The following GRAP2 variants were observed in gnomAD, a reference collection of about 807,000 sequenced individuals.
The protein encoded by GRAP2 is GRB2 related adaptor protein 2.
Under a neutral mutation model 43.5 loss-of-function variants are expected in GRAP2, and 31 were observed. The ratio of observed to expected loss-of-function variants is 0.71; its 90% CI spans 0.54 to 0.96. GRAP2 has a LOEUF of 0.96. Among genes scored for constraint, GRAP2 ranks in the 40% least tolerant of loss-of-function variants. The pLI, the probability that GRAP2 is intolerant of heterozygous loss-of-function variation, is 0.00. For missense variants in GRAP2, 371 were observed against 424.4 expected, an observed-to-expected ratio of 0.87 and a Z score of 1.11; for synonymous variants, 156 against 164.8, an observed-to-expected ratio of 0.95 and a Z score of 0.41.
In GRAP2 at chr22:39,956,636, C is replaced by CTTTTTTTTTTTTTTTTTTT. The variant is rs1601732092; in HGVS notation, c.170+730_170+731insTTTTTTTTTTTTTTTTTTT. Among the ~76,000 whole-genome samples, 4 of 150,932 alleles carry CTTTTTTTTTTTTTTTTTTT rather than the reference C, an allele frequency of 2.7e-5. No homozygotes were observed. The East Asian group carries it at 6.2e-4, about 23-fold the overall frequency. On this transcript the variant is annotated intron_variant, in intron 3 of 7. Coordinates refer to ENST00000344138, the MANE Select transcript of GRAP2 (RefSeq NM_004810.4). ...GGTGCATGCCACCACACCCAGCTAA[C>CTTTTTTTTTTTTTTTTTTT]TTTTGTATTTTTAGTAGAGATGGGG...
chr22:39,951,225 A>G (rs1479252399), intron 2 of GRAP2, among the ~76,000 whole-genome samples: 2 of 152,212 alleles, frequency 1.3e-5, no homozygotes, highest in Non-Finnish European at 2.9e-5. Context: ...AAACTCAGGA[A>G]TCAGATTTTT....
At chr22:39,904,996 A>G (rs2066514074) in intron 1 of GRAP2, among the ~76,000 whole-genome samples, 1 of 152,132 alleles carries the variant, frequency 6.6e-6, no homozygotes, top group East Asian at 1.9e-4. Context: ...GGTGCTCCAT[A>G]TTGCATCTTA....
At chr22:39,920,220 C>T (rs376175391) in intron 1 of GRAP2, among the ~76,000 whole-genome samples, 43 of 152,184 alleles carry the variant, frequency 2.8e-4, no homozygotes, top group African/African-American at 9.9e-4. Flanking sequence ...CTTTGGTACA[C>T]GCTAGGGGAC....
At chr22:39,916,404 A>G (rs1362751578) in intron 1 of GRAP2, among the ~76,000 whole-genome samples, 2 of 152,266 alleles carry the variant, frequency 1.3e-5, no homozygotes, top group African/African-American at 4.8e-5. Flanking sequence ...GAGCAACTGT[A>G]GGACCCCTCT....
intron 2 of GRAP2, among the ~76,000 whole-genome samples, chr22:39,952,692 C>G (rs1372942274): frequency 6.6e-6 from 1 of 152,154 alleles, no homozygotes; most frequent in Non-Finnish European, 1.5e-5. Context: ...CACTTTTATT[C>G]CTTCAGAATA....
chr22:39,914,877 A>G (rs573030454), intron 1 of GRAP2, among the ~76,000 whole-genome samples: 1 of 152,210 alleles, frequency 6.6e-6, no homozygotes, highest in East Asian at 1.9e-4. Context: ...CTTTTGCCCC[A>G]CAACCTTATA....
chr22:39,942,461 T>G (rs1489082237), intron 1 of GRAP2, among the ~76,000 whole-genome samples: 1 of 152,114 alleles, frequency 6.6e-6, no homozygotes, highest in African/African-American at 2.4e-5. Context: ...ATTCTCTTAC[T>G]TCATTTCGTA....
At position 39,971,173 on chromosome 22, in the gene GRAP2, A is replaced by C; in HGVS notation, c.*89A>C. 1 of 962,128 alleles carries C rather than the reference A, an allele frequency of 1.0e-6. No homozygotes were observed. The highest frequency in any genetic ancestry group is 1.6e-6 in the Non-Finnish European group (1 of 622,870). 59.6% of individuals were successfully genotyped at this position (962,128 alleles called of 1,614,324 possible). On this transcript the variant is annotated 3_prime_UTR_variant, in exon 8 of 8. Coordinates refer to ENST00000344138, the MANE Select transcript of GRAP2 (RefSeq NM_004810.4). ...GGCTGGACTCCATGACTATATATAC[A>C]TACATCTATCTACATCTGCCTGTGT...
At chr22:39,946,439 T>G (rs910497244) in intron 1 of GRAP2, among the ~76,000 whole-genome samples, 1 of 152,214 alleles carries the variant, frequency 6.6e-6, no homozygotes, top group African/African-American at 2.4e-5. Flanking sequence ...CTATTTTAAC[T>G]CAATTCAAAA....
rs539412363 is a variant in GRAP2, at chr22:39,924,302, C to T, written c.-14-22791C>T. Among the ~76,000 whole-genome samples, 47 of 152,314 alleles carry T rather than the reference C, an allele frequency of 3.1e-4. 1 individual carries two copies. The highest frequency in any genetic ancestry group is 1.1e-3 in the African/African-American group (44 of 41,572). On this transcript the variant is annotated intron_variant, in intron 1 of 7. Coordinates refer to ENST00000344138, the MANE Select transcript of GRAP2 (RefSeq NM_004810.4). ...ATACCAAGCCTCTCTCTCCAAGATT[C>T]GCTTTTTTTCCTAGAAGAGGGAAAA...
intron 1 of GRAP2, among the ~76,000 whole-genome samples, chr22:39,915,642 C>T (rs200297412): frequency 6.6e-6 from 1 of 152,174 alleles, no homozygotes; most frequent in Non-Finnish European, 1.5e-5. Context: ...GCAGAAGTTA[C>T]TTTCAAAGGA....
rs1201036732 is a variant in GRAP2, at chr22:39,973,689, C to A, written c.*2605C>A. 6.6e-6 allele frequency: 1 copy of A among 152,208 alleles called. No individual in the cohort carries two copies. Among genetic ancestry groups the A allele is most frequent in the African/African-American group, 2.4e-5 (1 of 41,438 alleles). 9.4% of individuals were successfully genotyped at this position (152,208 alleles called of 1,614,324 possible). A position where few individuals can be genotyped will look rare whatever the true frequency, so the allele number is the denominator to read the frequency against. The stretch of plus-strand genomic sequence containing the variant: ...GAGGGGAGGGGGAAAGAGAGCTCAA[C>A]CCCCCTCAGCCTCTGGTGCTGCCAG... On this transcript the variant is annotated 3_prime_UTR_variant, in exon 8 of 8. Transcript: ENST00000344138.
At chr22:39,907,525 G>A (rs560539232) in intron 1 of GRAP2, among the ~76,000 whole-genome samples, 3 of 152,120 alleles carry the variant, frequency 2.0e-5, no homozygotes, top group South Asian at 4.1e-4. Context: ...TTGCTTGAGC[G>A]CAGGAGATTG....
chr22:39,914,907 G>A (rs2066592264), intron 1 of GRAP2, among the ~76,000 whole-genome samples: 1 of 151,938 alleles, frequency 6.6e-6, no homozygotes, highest in South Asian at 2.1e-4. Flanking sequence ...ATTCATTTTA[G>A]GCCAGGCACG....
At chr22:39,951,520 G>A (rs141707343) in intron 2 of GRAP2, among the ~76,000 whole-genome samples, 38 of 152,216 alleles carry the variant, frequency 2.5e-4, no homozygotes, top group East Asian at 9.6e-4. Flanking sequence ...TCTTCCAGCC[G>A]TAATTTGGCC....
intron 2 of GRAP2, among the ~76,000 whole-genome samples, chr22:39,954,159 A>G (rs1421436661): frequency 1.3e-5 from 2 of 152,158 alleles, no homozygotes; most frequent in Admixed American, 1.3e-4. Context: ...TTTTCTATCT[A>G]TTTCTGCTTT....
intron 1 of GRAP2, among the ~76,000 whole-genome samples, chr22:39,905,095 CTTG>C (rs1401874510): frequency 2.0e-5 from 3 of 152,120 alleles, no homozygotes; most frequent in Non-Finnish European, 4.4e-5. Flanking sequence ...CAGAGGATCT[CTTG>C]TTGTACAGGC....
Position 39,952,274 on chromosome 22 carries a change from G to A in GRAP2, c.79-3545G>A, listed in dbSNP as rs546514978. 4.5e-4 allele frequency among the ~76,000 whole-genome samples: 69 copies of A among 152,168 alleles called. 1 individual carries two copies. The highest frequency in any genetic ancestry group is 1.5e-3 in the African/African-American group (63 of 41,524). On this transcript the variant is annotated intron_variant, in intron 2 of 7. Transcript: ENST00000344138. ...ACTCCTGACCTTAGGTGATCCACCC[G>A]CCTCAGCCTCCCAAAGTGCTGGGAT...
intron 2 of GRAP2, 114 bp from the exon 3 acceptor site, chr22:39,955,705 A>C: frequency 1.6e-6 from 1 of 616,834 alleles, no homozygotes; most frequent in Non-Finnish European, 3.0e-6. Context: ...CTTTCAACTT[A>C]TTAACATATT....
Sources: allele counts gnomAD v4.1 joint callset (sites outside exome capture counted in the v4.1 genomes callset), GRCh38; gene constraint gnomAD v4.1.1; transcripts MANE v1.5; gene names NCBI Gene and HGNC (gene_info 2026-07-23, HGNC 2026-07-21).